Variants in NALF1 observed in about 807,000 individuals in gnomAD.
NALF1 encodes NALCN channel auxiliary factor 1, also known as family with sequence similarity 155 member A.
In NALF1, 3 loss-of-function variants were observed where a neutral mutation model predicts 48.4. That is an observed-to-expected ratio of 0.06 (90% CI 0.03 to 0.16). The LOEUF is 0.16. Among genes scored for constraint, NALF1 ranks in the 10% least tolerant of loss-of-function variants. NALF1 has a pLI of 1.00. For missense variants in NALF1, 526 were observed against 571.5 expected (o/e 0.92, Z 0.81); for synonymous variants, 262 against 245.7 (o/e 1.07, Z -0.62).
chr13:107,579,651 CTTT>C (rs1399933488), intron 1 of NALF1, among the ~76,000 whole-genome samples: 1 of 129,872 alleles, frequency 7.7e-6, no homozygotes, highest in Non-Finnish European at 1.6e-5. Flanking sequence ...AGCTATTTTT[CTTT>C]TTTTTTTTAG....
At chr13:107,593,317 T>C (rs1386111128) in intron 1 of NALF1, among the ~76,000 whole-genome samples, 1 of 151,936 alleles carries the variant, frequency 6.6e-6, no homozygotes, top group Non-Finnish European at 1.5e-5. Context: ...ATTAATATTT[T>C]AATCAAATAT....
At chr13:107,609,877 T>C (rs1449523234) in intron 1 of NALF1, among the ~76,000 whole-genome samples, 3 of 152,184 alleles carry the variant, frequency 2.0e-5, no homozygotes, top group Non-Finnish European at 1.5e-5. Flanking sequence ...AACAGGCATA[T>C]ACATATGTGT....
chr13:107,854,769 G>A (rs1880401006), intron 1 of NALF1, among the ~76,000 whole-genome samples: 1 of 151,804 alleles, frequency 6.6e-6, no homozygotes, highest in Admixed American at 6.6e-5. Context: ...AGCTACTCGG[G>A]AGGCTGACGC....
rs748058626 is a variant in NALF1 at position 107,170,556 on chromosome 13, C to CT, written c.1317dup (p.Ala440SerfsTer18). ...TTGATGCCTCCAAAGCTCAGTCCGG[C>CT]TGTGTTCTGTGCTGCCGAGGCTGTG... On this transcript the variant is annotated frameshift_variant, in exon 3 of 3. Transcript: ENST00000375915. LOFTEE classifies it high-confidence loss of function. The CT allele has an allele frequency of 2.5e-6, 4 of 1,614,036 alleles. No homozygotes were observed. Among genetic ancestry groups the CT allele is most frequent in the Non-Finnish European group, 3.4e-6 (4 of 1,180,002 alleles).
At chr13:107,375,801 A>C (rs1183099148) in intron 1 of NALF1, among the ~76,000 whole-genome samples, 1 of 152,152 alleles carries the variant, frequency 6.6e-6, no homozygotes, top group Non-Finnish European at 1.5e-5. Context: ...GGATTCAGAG[A>C]GAATTTACCC....
At chr13:107,580,705 A>G (rs1209864125) in intron 1 of NALF1, among the ~76,000 whole-genome samples, 1 of 152,198 alleles carries the variant, frequency 6.6e-6, no homozygotes, top group East Asian at 1.9e-4. Context: ...AATTAATCAT[A>G]TATTCTTTCA....
At chr13:107,555,285 A>AT (rs1222893615) in intron 1 of NALF1, among the ~76,000 whole-genome samples, 1 of 149,424 alleles carries the variant, frequency 6.7e-6, no homozygotes, top group Admixed American at 6.7e-5. Context: ...TAATTAATTA[A>AT]TTTTGAGACA....
chr13:107,637,680 A>G (rs1423380125), intron 1 of NALF1, among the ~76,000 whole-genome samples: 3 of 152,150 alleles, frequency 2.0e-5, no homozygotes, highest in Non-Finnish European at 4.4e-5. Context: ...AGATCATTTT[A>G]TCTTCCAACC....
chr13:107,298,293 T>G (rs1211728479), intron 1 of NALF1, among the ~76,000 whole-genome samples: 1 of 118,822 alleles, frequency 8.4e-6, no homozygotes, highest in Non-Finnish European at 1.6e-5. Flanking sequence ...GAGCTTGCAG[T>G]GAGCAAGGAT....
At chr13:107,352,394 T>C (rs1191977082) in intron 1 of NALF1, among the ~76,000 whole-genome samples, 2 of 152,162 alleles carry the variant, frequency 1.3e-5, no homozygotes, top group Non-Finnish European at 2.9e-5. Context: ...CTCAACAGTG[T>C]CGTAGTCAGT....
intron 1 of NALF1, among the ~76,000 whole-genome samples, chr13:107,742,866 T>C (rs186340007): frequency 1.3e-5 from 2 of 152,346 alleles, no homozygotes; most frequent in East Asian, 3.9e-4. Context: ...AATAAATGAA[T>C]AAATGACACC....
intron 1 of NALF1, among the ~76,000 whole-genome samples, chr13:107,710,187 A>G (rs1875522488): frequency 6.6e-6 from 1 of 152,132 alleles, no homozygotes; most frequent in African/African-American, 2.4e-5. Context: ...AAAGAAAGAA[A>G]GAAAAGAAAG....
intron 1 of NALF1, among the ~76,000 whole-genome samples, chr13:107,651,896 A>G (rs763596112): frequency 6.6e-6 from 1 of 152,222 alleles, no homozygotes; most frequent in Admixed American, 6.5e-5. Flanking sequence ...TTCTTCAACC[A>G]GGACTCTAGA....
At chr13:107,769,653 C>T (rs553246813) in intron 1 of NALF1, among the ~76,000 whole-genome samples, 1 of 149,256 alleles carries the variant, frequency 6.7e-6, no homozygotes, top group African/African-American at 2.5e-5. Flanking sequence ...AACTAACCTG[C>T]ACAATGTGCA....
chr13:107,233,455 T>C (rs976703522), intron 1 of NALF1, among the ~76,000 whole-genome samples: 3 of 152,342 alleles, frequency 2.0e-5, no homozygotes, highest in East Asian at 1.9e-4. Flanking sequence ...GTAGAATGTA[T>C]GAAGGTATCA....
At chr13:107,562,970 T>C (rs910919846) in intron 1 of NALF1, among the ~76,000 whole-genome samples, 1 of 152,204 alleles carries the variant, frequency 6.6e-6, no homozygotes, top group Non-Finnish European at 1.5e-5. Flanking sequence ...AAAACTTACA[T>C]GAGTAGGCTT....
chr13:107,821,147 T>A (rs1594292560), intron 1 of NALF1, among the ~76,000 whole-genome samples: 1 of 139,170 alleles, frequency 7.2e-6, no homozygotes, highest in Non-Finnish European at 1.6e-5. Flanking sequence ...TTTTTACTTG[T>A]TTATTTGTAG....
intron 1 of NALF1, among the ~76,000 whole-genome samples, chr13:107,612,288 T>G (rs939310243): frequency 6.6e-6 from 1 of 152,078 alleles, no homozygotes; most frequent in African/African-American, 2.4e-5. Context: ...GCAGGGTTGC[T>G]GTTCAGTAGG....
chr13:107,704,301 T>A (rs1051537089), intron 1 of NALF1, among the ~76,000 whole-genome samples: 10 of 152,228 alleles, frequency 6.6e-5, no homozygotes, highest in African/African-American at 2.4e-4. Flanking sequence ...ATTTCTTTTA[T>A]AATATTCCAT....
Sources: gnomAD v4.1 joint callset for allele counts (sites outside exome capture counted in the v4.1 genomes callset) on GRCh38, gnomAD v4.1.1 for gene constraint, MANE v1.5 for transcripts, NCBI Gene and HGNC (gene_info 2026-07-23, HGNC 2026-07-21) for gene names.